Variants in SYT9 observed in about 807,000 individuals in gnomAD.
The protein encoded by SYT9 is synaptotagmin-9.
In SYT9, 22 loss-of-function variants were observed where a neutral mutation model predicts 48.4. That is an observed-to-expected ratio of 0.45 (90% confidence interval 0.32 to 0.65). The LOEUF is 0.65. Among genes scored for constraint, SYT9 ranks in the 30% least tolerant of loss-of-function variants. SYT9 has a pLI of 0.03. For missense variants in SYT9, 577 were observed against 622.0 expected (o/e 0.93, Z 0.77); for synonymous variants, 265 against 245.0 (o/e 1.08, Z -0.76).
chr11:7,281,439 A>G (rs1384118849), intron 1 of SYT9, among the ~76,000 whole-genome samples: 2 of 152,196 alleles, frequency 1.3e-5, no homozygotes, highest in African/African-American at 4.8e-5. Context: ...TGATACCTTG[A>G]CACTTTCTAC....
intron 3 of SYT9, among the ~76,000 whole-genome samples, chr11:7,398,925 C>T (rs1217281882): frequency 6.7e-6 from 1 of 148,160 alleles, no homozygotes; most frequent in Non-Finnish European, 1.5e-5. Flanking sequence ...CCACAAAGGA[C>T]AATACAGTAT....
chr11:7,402,667 T>C (rs1394749602), intron 3 of SYT9, among the ~76,000 whole-genome samples: 2 of 152,200 alleles, frequency 1.3e-5, no homozygotes, highest in Non-Finnish European at 2.9e-5. Context: ...TTGACTAGTA[T>C]TTACATGGCC....
At chr11:7,275,845 C>G (rs745402162) in intron 1 of SYT9, among the ~76,000 whole-genome samples, 5 of 152,204 alleles carry the variant, frequency 3.3e-5, no homozygotes, top group Non-Finnish European at 7.3e-5. Flanking sequence ...CATTTATCCT[C>G]TCTGTTCAGT....
chr11:7,241,208 AC>A (rs1459083760), intron 1 of SYT9, among the ~76,000 whole-genome samples: 463 of 26,912 alleles, frequency 0.017, 3 homozygotes, highest in African/African-American at 0.058. Context: ...GTTATTTAAA[AC>A]ACACACACAC....
At chr11:7,429,616 A>G (rs997530213) in intron 6 of SYT9, among the ~76,000 whole-genome samples, 3 of 152,222 alleles carry the variant, frequency 2.0e-5, no homozygotes, top group African/African-American at 7.2e-5. Context: ...TTTAGGATAC[A>G]GGTGAACACT....
intron 1 of SYT9, among the ~76,000 whole-genome samples, chr11:7,259,210 A>G (rs1176967732): frequency 1.3e-5 from 2 of 152,160 alleles, no homozygotes; most frequent in Admixed American, 1.3e-4. Context: ...ATATGCTCAT[A>G]GTAATTACAC....
At chr11:7,336,251 G>C (rs1202794843) in intron 3 of SYT9, among the ~76,000 whole-genome samples, 6 of 152,092 alleles carry the variant, frequency 3.9e-5, no homozygotes, top group Admixed American at 2.0e-4. Context: ...ACCTTTGTTA[G>C]ATGCATAGTT....
At chr11:7,269,859 T>G (rs1427483109) in intron 1 of SYT9, among the ~76,000 whole-genome samples, 1 of 152,206 alleles carries the variant, frequency 6.6e-6, no homozygotes, top group Non-Finnish European at 1.5e-5. Flanking sequence ...GGGTGGCAAC[T>G]ACCAGTGTCT....
chr11:7,313,373 T>C, intron 2 of SYT9, 22 bp from the exon 3 acceptor site: 2 of 1,584,210 alleles, frequency 1.3e-6, no homozygotes, highest in South Asian at 1.2e-5. Context: ...ATAACTTTGT[T>C]CTGTGTTGCT....
intron 1 of SYT9, among the ~76,000 whole-genome samples, chr11:7,256,713 T>C (rs150464379): frequency 7.8e-4 from 119 of 152,318 alleles, no homozygotes; most frequent in African/African-American, 2.6e-3. Context: ...CAGCTTAGTA[T>C]TTTTGATTAT....
intron 3 of SYT9, among the ~76,000 whole-genome samples, chr11:7,364,414 A>G (rs1245779385): frequency 6.6e-6 from 1 of 152,216 alleles, no homozygotes; most frequent in African/African-American, 2.4e-5. Flanking sequence ...TTAAATTTCT[A>G]GTGTTAGGGA....
chr11:7,287,232 AG>A (rs530087610), intron 1 of SYT9, among the ~76,000 whole-genome samples: 134 of 152,282 alleles, frequency 8.8e-4, no homozygotes, highest in Middle Eastern at 3.4e-3. Context: ...TGCAGAGTGA[AG>A]GGGGGAAAAG....
chr11:7,401,861 AT>A (rs1846899505), intron 3 of SYT9, among the ~76,000 whole-genome samples: 1 of 151,074 alleles, frequency 6.6e-6, no homozygotes, highest in African/African-American at 2.4e-5. Context: ...TTTATTTATT[AT>A]TTCTTTCCTT....
chr11:7,244,401 C>T (rs1847771498), intron 1 of SYT9, among the ~76,000 whole-genome samples: 3 of 152,252 alleles, frequency 2.0e-5, no homozygotes, highest in African/African-American at 4.8e-5. Context: ...TTTATTTCAT[C>T]TCTCAAGAAA....
chr11:7,260,287 A>G (rs989961), intron 1 of SYT9, among the ~76,000 whole-genome samples: 15,265 of 152,224 alleles, frequency 0.1, 967 homozygotes, highest in South Asian at 0.21. Flanking sequence ...TAATTAGCTG[A>G]CTTGAGTGGA....
intron 3 of SYT9, among the ~76,000 whole-genome samples, chr11:7,375,836 A>T (rs1242871605): frequency 1.3e-5 from 2 of 151,718 alleles, no homozygotes; most frequent in African/African-American, 2.4e-5. Flanking sequence ...GGGTTTCTCC[A>T]CTCTAGCCAC....
At position 7,316,360 on chromosome 11, in the gene SYT9, A is replaced by G. The variant is rs369672043; in HGVS notation, c.1044+2419A>G. Among the ~76,000 whole-genome samples the G allele has an allele frequency of 1.5e-3, 235 of 152,178 alleles. 1 individual carries two copies. Among genetic ancestry groups the G allele is most frequent in the African/African-American group, 5.4e-3 (223 of 41,528 alleles). ...AATATATATGCATATACATATGACAATATGGGTTTGGGTTTTGTCTATTTT... is the reference window on the plus strand; with the variant it reads ...AATATATATGCATATACATATGACAGTATGGGTTTGGGTTTTGTCTATTTT... On this transcript the variant is annotated intron_variant, in intron 3 of 6. Transcript: ENST00000318881.
At chr11:7,444,646 A>G (rs775081050) in intron 6 of SYT9, 2 of 152,170 alleles carry the variant, frequency 1.3e-5, no homozygotes, top group African/African-American at 2.4e-5. Flanking sequence ...CCCAATTTCC[A>G]TAGCCAATGG....
At chr11:7,297,828 A>AT (rs1345365209) in intron 1 of SYT9, among the ~76,000 whole-genome samples, 1 of 152,016 alleles carries the variant, frequency 6.6e-6, no homozygotes, top group East Asian at 1.9e-4. Context: ...TTTGAATGTA[A>AT]TTTTTTCTCA....
Sources: allele counts gnomAD v4.1 joint callset (sites outside exome capture counted in the v4.1 genomes callset), GRCh38; gene constraint gnomAD v4.1.1; transcripts MANE v1.5; gene names NCBI Gene and HGNC (gene_info 2026-07-23, HGNC 2026-07-21).